ADGRL3: variants seen among roughly 807,000 people sequenced by gnomAD.
ADGRL3 encodes adhesion G protein-coupled receptor L3.
ADGRL3 carries 62 observed loss-of-function variants against 153.5 expected under a neutral mutation model. The observed-to-expected ratio is 0.40, with a 90% CI of 0.33 to 0.50. The LOEUF (loss-of-function observed/expected upper bound fraction) is 0.50. Ranked by LOEUF, ADGRL3 falls within the 20% of genes least tolerant of loss-of-function variation. The pLI is 0.47. For missense variants in ADGRL3, 1,641 were observed against 1,859.4 expected (o/e 0.88, Z 2.16); for synonymous variants, 710 against 672.5 (o/e 1.06, Z -0.86).
chr4:61,728,095 C>A (rs1407095478), intron 6 of ADGRL3, among the ~76,000 whole-genome samples: 4 of 151,962 alleles, frequency 2.6e-5, no homozygotes, highest in Non-Finnish European at 1.5e-5. Context: ...TGTTGTCTTG[C>A]CGGTTTTTGT....
At chr4:61,915,512 A>C (rs970358) in intron 13 of ADGRL3, among the ~76,000 whole-genome samples, 1 of 151,982 alleles carries the variant, frequency 6.6e-6, no homozygotes, top group Admixed American at 6.6e-5. Context: ...CCTATGAAAC[A>C]CATGGTCATT....
At chr4:61,998,062 A>T (rs1039464445) in intron 20 of ADGRL3, 112 bp from the exon 21 acceptor site, 3 of 483,624 alleles carry the variant, frequency 6.2e-6, no homozygotes, top group African/African-American at 4.0e-5. Context: ...CAATTCCTTT[A>T]AAAGTGTAGT....
At position 61,497,286 on chromosome 4, in the gene ADGRL3, A is replaced by G; in HGVS notation, c.-8A>G. The G allele has an allele frequency of 6.3e-7, 1 of 1,584,124 alleles. No individual in the cohort carries two copies. The highest frequency in any genetic ancestry group is 8.6e-7 in the Non-Finnish European group (1 of 1,158,626). ...CTTGAGGAATACTCCATACCTGAGT[A>G]GACAGCCATGTGGCCATCGCAGCTA... is the stretch of plus-strand genomic sequence containing the variant. On this transcript the variant is annotated 5_prime_UTR_variant, in exon 3 of 27. Transcript: ENST00000683033.
chr4:61,999,973 T>C lies in ADGRL3; in HGVS notation c.3395+1708T>C, dbSNP rs112837557. 6.5e-3 allele frequency among the ~76,000 whole-genome samples: 988 copies of C among 152,230 alleles called. 5 individuals are homozygous for C. The highest frequency in any genetic ancestry group is 0.024 in the Middle Eastern group (7 of 288). On this transcript the variant is annotated intron_variant, in intron 21 of 26. Coordinates refer to ENST00000683033, the MANE Select transcript of ADGRL3 (RefSeq NM_001387552.1). ...GTACAATTAAACTGTCCTTCTAAAGTACAGTGTTGGTTTCTTAGACTATTT... is the reference window on the plus strand; with the variant it reads ...GTACAATTAAACTGTCCTTCTAAAGCACAGTGTTGGTTTCTTAGACTATTT...
intron 1 of ADGRL3, among the ~76,000 whole-genome samples, chr4:61,314,427 T>G (rs59239993): frequency 0.011 from 1,687 of 152,296 alleles, 30 homozygotes; most frequent in African/African-American, 0.038. Context: ...CAGGCTGGTC[T>G]CGAACTCCTG....
intron 1 of ADGRL3, among the ~76,000 whole-genome samples, chr4:61,231,809 T>C (rs1044841811): frequency 1.3e-5 from 2 of 152,076 alleles, no homozygotes; most frequent in Non-Finnish European, 2.9e-5. Flanking sequence ...TATAAATTAA[T>C]AAAAGGTATC....
chr4:61,231,768 A>G (rs757509239), intron 1 of ADGRL3, among the ~76,000 whole-genome samples: 1 of 152,016 alleles, frequency 6.6e-6, no homozygotes, highest in Non-Finnish European at 1.5e-5. Flanking sequence ...TTTGGGTCCA[A>G]CCAGCCTCCC....
At chr4:62,025,188 A>G (rs1355602441) in intron 21 of ADGRL3, among the ~76,000 whole-genome samples, 2 of 152,068 alleles carry the variant, frequency 1.3e-5, no homozygotes, top group Admixed American at 6.6e-5. Context: ...TATCTTAAAT[A>G]TCCTTAAACC....
chr4:61,919,122 G>C (rs1001057840), intron 13 of ADGRL3, among the ~76,000 whole-genome samples: 4 of 152,164 alleles, frequency 2.6e-5, no homozygotes, highest in African/African-American at 9.7e-5. Flanking sequence ...GGCCTGTCAG[G>C]CTGGATGTCC....
At chr4:61,518,562 G>A (rs757416288) in intron 4 of ADGRL3, among the ~76,000 whole-genome samples, 1 of 152,166 alleles carries the variant, frequency 6.6e-6, no homozygotes, top group Non-Finnish European at 1.5e-5. Context: ...TGAGAGACCC[G>A]TGAGAGTTAA....
At chr4:61,706,142 C>T (rs2095853528) in intron 6 of ADGRL3, among the ~76,000 whole-genome samples, 2 of 152,208 alleles carry the variant, frequency 1.3e-5, no homozygotes, top group South Asian at 4.2e-4. Context: ...GCTGTTCTGG[C>T]CAGGCGCGGT....
chr4:61,271,954 T>C (rs2093207186), intron 1 of ADGRL3, among the ~76,000 whole-genome samples: 1 of 152,082 alleles, frequency 6.6e-6, no homozygotes, highest in South Asian at 2.1e-4. Flanking sequence ...AATGTAGTTC[T>C]TTAACAAAGA....
rs111669656 is a variant in ADGRL3, at chr4:61,597,016, A to G, written c.473+9576A>G. 7.1e-4 allele frequency among the ~76,000 whole-genome samples: 108 copies of G among 152,204 alleles called. 1 individual carries two copies. The highest frequency in any genetic ancestry group is 2.5e-3 in the African/African-American group (105 of 41,554). On this transcript the variant is annotated intron_variant, in intron 5 of 26. Coordinates refer to ENST00000683033, the MANE Select transcript of ADGRL3 (RefSeq NM_001387552.1). ...TTTGTGATTATGATTTCCAAATGGT[A>G]AAAGTGAAGTGTGTTTTTTTTTTTC...
intron 25 of ADGRL3, among the ~76,000 whole-genome samples, chr4:62,057,311 A>C (rs1294972846): frequency 6.6e-6 from 1 of 152,166 alleles, no homozygotes; most frequent in African/African-American, 2.4e-5. Context: ...CAAAACACCT[A>C]TTCTATTTTC....
At chr4:61,480,642 G>A (rs1346505921) in intron 2 of ADGRL3, among the ~76,000 whole-genome samples, 1 of 151,964 alleles carries the variant, frequency 6.6e-6, no homozygotes, top group Non-Finnish European at 1.5e-5. Flanking sequence ...AATTAGCTGG[G>A]CGGGGTTTCG....
intron 2 of ADGRL3, among the ~76,000 whole-genome samples, chr4:61,490,314 T>C (rs138082821): frequency 1.7e-3 from 260 of 152,146 alleles, no homozygotes; most frequent in Admixed American, 3.1e-3. Context: ...TACTGCATTA[T>C]CTCATCTTCA....
chr4:61,431,270 TC>T (rs545047358), intron 2 of ADGRL3, among the ~76,000 whole-genome samples: 1 of 152,282 alleles, frequency 6.6e-6, no homozygotes, highest in East Asian at 1.9e-4. Flanking sequence ...AAACAATCCT[TC>T]TATAAAATAG....
At chr4:61,878,522 C>A (rs1947274) in intron 9 of ADGRL3, among the ~76,000 whole-genome samples, 89,352 of 151,946 alleles carry the variant, frequency 0.59, 26,771 homozygotes, top group Admixed American at 0.69. Flanking sequence ...TTTTTTTGAA[C>A]AAGCTATTGT....
At chr4:61,967,680 C>T (rs1281141835) in intron 17 of ADGRL3, among the ~76,000 whole-genome samples, 1 of 152,184 alleles carries the variant, frequency 6.6e-6, no homozygotes, top group East Asian at 1.9e-4. Flanking sequence ...TGAATTCATT[C>T]TATATGTTGT....
Sources: allele counts gnomAD v4.1 joint callset (sites outside exome capture counted in the v4.1 genomes callset), GRCh38; gene constraint gnomAD v4.1.1; transcripts MANE v1.5; gene names NCBI Gene and HGNC (gene_info 2026-07-23, HGNC 2026-07-21).